Variants in DNAH5 observed in about 807,000 individuals in gnomAD.
DNAH5 encodes the protein dynein axonemal heavy chain 5.
DNAH5 carries 372 observed loss-of-function variants against 518.2 expected under a neutral mutation model. The observed-to-expected ratio is 0.72, with a 90% CI of 0.66 to 0.78. The LOEUF (loss-of-function observed/expected upper bound fraction) is 0.78, where lower values mean the gene tolerates loss of function less well. Ranked by LOEUF, DNAH5 falls within the 30% of genes least tolerant of loss-of-function variation. The pLI is 0.00. For synonymous variants in DNAH5, 2,039 were observed against 2,025.9 expected (o/e 1.01, Z -0.17); for missense variants, 5,523 against 5,687.0 (o/e 0.97, Z 0.93).
chr5:13,747,359 G>A (rs956585220), intron 65 of DNAH5, among the ~76,000 whole-genome samples: 2 of 152,180 alleles, frequency 1.3e-5, no homozygotes, highest in African/African-American at 2.4e-5. Context: ...ACGTGTGCAT[G>A]TATCTTTATA....
intron 35 of DNAH5, among the ~76,000 whole-genome samples, chr5:13,839,064 T>C (rs1481905420): frequency 6.6e-6 from 1 of 152,144 alleles, no homozygotes; most frequent in East Asian, 1.9e-4. Flanking sequence ...CACTGTGATT[T>C]GCACCTGACA....
Position 13,791,985 on chromosome 5 carries a change from G to A in DNAH5, c.8448+9C>T. The A allele has an allele frequency of 6.2e-7, 1 of 1,605,462 alleles. No homozygotes were observed. The highest frequency in any genetic ancestry group is 8.5e-7 in the Non-Finnish European group (1 of 1,172,500). Reference sequence around the variant, plus strand: ...TGTTATTTGTTTTTCTTTCTTCAGTGTCACTTACATTTGGTTCCTTGATGA... The same window carrying A: ...TGTTATTTGTTTTTCTTTCTTCAGTATCACTTACATTTGGTTCCTTGATGA... On this transcript the variant is annotated intron_variant, in intron 50 of 78. Coordinates refer to ENST00000265104, the MANE Select transcript of DNAH5 (RefSeq NM_001369.3).
At chr5:13,990,968 A>C (rs977681787) in intron 1 of DNAH5, among the ~76,000 whole-genome samples, 2 of 152,278 alleles carry the variant, frequency 1.3e-5, no homozygotes, top group East Asian at 3.9e-4. Flanking sequence ...CATGCAAATA[A>C]CACCTTTTAA....
chr5:13,801,245 T>A (rs565176521), intron 47 of DNAH5, among the ~76,000 whole-genome samples: 36 of 152,260 alleles, frequency 2.4e-4, no homozygotes, highest in African/African-American at 7.9e-4. Flanking sequence ...TCTCACGAGA[T>A]CTGGTTGCTT....
intron 29 of DNAH5, among the ~76,000 whole-genome samples, chr5:13,861,542 A>G (rs1768415355): frequency 6.6e-6 from 1 of 152,232 alleles, no homozygotes; most frequent in Admixed American, 6.5e-5. Context: ...TGGGGAACAA[A>G]AACATTATTT....
chr5:13,742,430 T>C (rs570406522), intron 65 of DNAH5, among the ~76,000 whole-genome samples: 2 of 152,226 alleles, frequency 1.3e-5, no homozygotes, highest in African/African-American at 4.8e-5. Flanking sequence ...AGATCTCCCT[T>C]ACCTATTTTG....
At chr5:13,719,888 A>C (rs39829) in intron 71 of DNAH5, among the ~76,000 whole-genome samples, 64,482 of 151,950 alleles carry the variant, frequency 0.42, 13,848 homozygotes, top group African/African-American at 0.47. Context: ...TAAGCCATAT[A>C]TTTTGCCTGA....
At chr5:13,955,513 C>T (rs939656201) in intron 1 of DNAH5, among the ~76,000 whole-genome samples, 1 of 151,834 alleles carries the variant, frequency 6.6e-6, no homozygotes, top group Admixed American at 6.6e-5. Flanking sequence ...TGTAAAGAAA[C>T]AAAAATTGGA....
chr5:13,877,622 C>T (rs781700450), intron 21 of DNAH5, among the ~76,000 whole-genome samples: 2 of 152,142 alleles, frequency 1.3e-5, no homozygotes, highest in African/African-American at 2.4e-5. Flanking sequence ...AAAACATATC[C>T]GCATCAAAGG....
rs188424566 is a variant in DNAH5, at chr5:13,844,637, T to A, written c.5271+200A>T. ...ATCCTAAACTAGCATTTTTTTTAAT[T>A]TGAATCTACACTTTGGATAGTAAGA... On this transcript the variant is annotated intron_variant, in intron 32 of 78. Transcript: ENST00000265104. Among the ~76,000 whole-genome samples the A allele has an allele frequency of 4.9e-3, 751 of 151,906 alleles. 17 individuals carry two copies. The highest frequency in any genetic ancestry group is 1.5e-3 in the Non-Finnish European group (102 of 67,936).
In DNAH5 at chr5:13,721,248, G is replaced by A; in HGVS notation, c.12034-3C>T. On this transcript the variant is annotated splice_polypyrimidine_tract_variant and splice_region_variant and intron_variant, in intron 70 of 78. Transcript: ENST00000265104. Reference sequence around the variant, plus strand: ...GAGTCCACGATGTACTTGCGGGCCTGCCAAAAACAGTATACAAGTCAGTAA... The same window carrying A: ...GAGTCCACGATGTACTTGCGGGCCTACCAAAAACAGTATACAAGTCAGTAA... The A allele has an allele frequency of 6.2e-7, 1 of 1,614,008 alleles. No homozygotes were observed. Among genetic ancestry groups the A allele is most frequent in the South Asian group, 1.1e-5 (1 of 91,070 alleles).
chr5:13,921,475 TCACA>T (rs138046391), intron 5 of DNAH5, among the ~76,000 whole-genome samples: 2,854 of 73,658 alleles, frequency 0.039, 134 homozygotes, highest in East Asian at 0.15. Flanking sequence ...TATCTCTCTC[TCACA>T]CACACACACA....
rs73749930 is a variant in DNAH5, at chr5:13,722,159, C to T, written c.12034-914G>A. ...CAAGGGCTAGGCAGGTGAGCCTCCC[C>T]ACTCCAATTCCCGGAGAAACACAAA... On this transcript the variant is annotated intron_variant, in intron 70 of 78. Coordinates refer to ENST00000265104, the MANE Select transcript of DNAH5 (RefSeq NM_001369.3). Among the ~76,000 whole-genome samples, 1,381 of 152,272 alleles carry T rather than the reference C, an allele frequency of 9.1e-3. 21 individuals are homozygous for T. The highest frequency in any genetic ancestry group is 0.032 in the African/African-American group (1,309 of 41,544).
chr5:13,844,898 G>A lies in DNAH5; in HGVS notation c.5210C>T (p.Thr1737Ile), dbSNP rs1765756935. ...CACATTCAGCAAATGGGCCTGTATA[G>A]TGTGGGAGTCCGACGCCTGCCCCAG... ...EILGQASDSHTIQAHLLNVFD... is the reference protein window; with the variant it reads ...EILGQASDSHIIQAHLLNVFD... Residue 1737 changes from threonine (T) to isoleucine (I), a missense_variant, in exon 32 of 79, where the codon ACT (threonine) becomes ATT (isoleucine). By Grantham distance (89) the Thr-to-Ile change is moderately conservative (BLOSUM62 -1). Around this residue, in one of 3 missense-constraint regions of DNAH5, gnomAD observed 5,121 missense variants for 5,223.3 expected, o/e 0.98. Coordinates refer to ENST00000265104, the MANE Select transcript of DNAH5 (RefSeq NM_001369.3). The A allele has an allele frequency of 6.2e-7, 1 of 1,614,218 alleles. No homozygotes were observed. The highest frequency in any genetic ancestry group is 8.5e-7 in the Non-Finnish European group (1 of 1,180,042).
At position 13,944,270 on chromosome 5, in the gene DNAH5, C is replaced by T. The variant is rs1036133679; in HGVS notation, c.57+112G>A. The T allele has an allele frequency of 2.9e-6, 3 of 1,040,004 alleles. No homozygotes were observed. In the South Asian group the frequency reaches 3.9e-5, roughly 13 times the overall value. 64.4% of individuals were successfully genotyped at this position (1,040,004 alleles called of 1,614,324 possible). ...CATTAGTTAAAAAATGTGTTTCTCGCAAATTCATCAGTGTGTGACTTTGAA... is the reference window on the plus strand; with the variant it reads ...CATTAGTTAAAAAATGTGTTTCTCGTAAATTCATCAGTGTGTGACTTTGAA... On this transcript the variant is annotated intron_variant, in intron 1 of 78. Coordinates refer to ENST00000265104, the MANE Select transcript of DNAH5 (RefSeq NM_001369.3).
At chr5:13,895,890 C>G (rs1322116604) in intron 15 of DNAH5, among the ~76,000 whole-genome samples, 1 of 152,082 alleles carries the variant, frequency 6.6e-6, no homozygotes, top group Non-Finnish European at 1.5e-5. Context: ...TCCTTCCAGT[C>G]CACAGGTCAA....
In DNAH5 at chr5:13,841,826, T is replaced by G. The variant is rs1285373457; in HGVS notation, c.5350A>C (p.Asn1784His). The G allele has an allele frequency of 1.1e-5, 17 of 1,611,250 alleles. No homozygotes were observed. The highest frequency in any genetic ancestry group is 1.4e-5 in the Non-Finnish European group (17 of 1,179,200). ...ELDKPVMAEGNVEVWLNSLLE... is the reference protein window; with the variant it reads ...ELDKPVMAEGHVEVWLNSLLE... ...AGAGAATTAAGCCAAACTTCCACATTGCCCTCTGCCATGACAGGTTTATCC... is the reference window on the plus strand; with the variant it reads ...AGAGAATTAAGCCAAACTTCCACATGGCCCTCTGCCATGACAGGTTTATCC... Residue 1784 changes from asparagine to histidine, a missense_variant, in exon 33 of 79, where the codon AAT becomes CAT. Coordinates refer to ENST00000265104, the MANE Select transcript of DNAH5 (RefSeq NM_001369.3).
intron 12 of DNAH5, among the ~76,000 whole-genome samples, chr5:13,905,409 G>A (rs937557223): frequency 2.0e-5 from 3 of 152,180 alleles, no homozygotes; most frequent in Non-Finnish European, 4.4e-5. Context: ...CTGCCATGCA[G>A]CAAGAAGGCC....
At chr5:13,705,022 C>T (rs112391925) in intron 76 of DNAH5, among the ~76,000 whole-genome samples, 5,657 of 150,970 alleles carry the variant, frequency 0.037, 353 homozygotes, top group African/African-American at 0.13. Context: ...GAGGGAGTCT[C>T]GCTCTGTCAC....
Sources: allele counts gnomAD v4.1 joint callset (sites outside exome capture counted in the v4.1 genomes callset), GRCh38; gene constraint gnomAD v4.1.1; regional missense constraint gnomAD v4.1.1; transcripts MANE v1.5; gene names NCBI Gene and HGNC (gene_info 2026-07-23, HGNC 2026-07-21).